Variants in BICD1 observed in about 807,000 individuals in gnomAD.
BICD1 encodes the protein protein bicaudal D homolog 1.
Under a neutral mutation model 92.5 loss-of-function variants are expected in BICD1, and 35 were observed. That is an observed-to-expected ratio of 0.38 (90% CI 0.29 to 0.50). BICD1 has a LOEUF of 0.50. Ranked by LOEUF, BICD1 falls within the 20% of genes least tolerant of loss-of-function variation. The probability of loss-of-function intolerance (pLI) is 0.93; values close to 1 mark genes in which losing one functional copy is unlikely to be tolerated. For missense variants in BICD1, 950 were observed against 1,189.8 expected, an observed-to-expected ratio of 0.80 and a Z score of 2.97; for synonymous variants, 429 against 465.1, an observed-to-expected ratio of 0.92 and a Z score of 1.00.
intron 1 of BICD1, among the ~76,000 whole-genome samples, chr12:32,121,496 G>T (rs1298763942): frequency 6.6e-6 from 1 of 151,822 alleles, no homozygotes; most frequent in Non-Finnish European, 1.5e-5. Flanking sequence ...GGGAGGCTGA[G>T]GCAGGAGAAA....
chr12:32,109,351 G>T (rs949265244), intron 1 of BICD1: 1 of 152,128 alleles, frequency 6.6e-6, no homozygotes, highest in South Asian at 2.1e-4. Flanking sequence ...ATATTGATTA[G>T]TGTTAGATAA....
At chr12:32,198,546 C>CTTTTTTT (rs113075749) in intron 1 of BICD1, among the ~76,000 whole-genome samples, 4 of 134,504 alleles carry the variant, frequency 3.0e-5, no homozygotes, top group Admixed American at 7.6e-5. Context: ...TATCCCCACT[C>CTTTTTTT]TTTTTTTTTT....
At chr12:32,262,725 A>T (rs934286706) in intron 2 of BICD1, among the ~76,000 whole-genome samples, 3 of 152,230 alleles carry the variant, frequency 2.0e-5, no homozygotes, top group Admixed American at 6.5e-5. Context: ...TTCTGCTGCC[A>T]TAAGACAAGG....
intron 8 of BICD1, among the ~76,000 whole-genome samples, chr12:32,355,528 G>A (rs920385907): frequency 2.0e-5 from 3 of 152,180 alleles, no homozygotes; most frequent in Non-Finnish European, 4.4e-5. Flanking sequence ...GAAGCTGGGC[G>A]CAGTGGCTCA....
chr12:32,246,448 G>C (rs1292008589), intron 2 of BICD1, among the ~76,000 whole-genome samples: 1 of 152,032 alleles, frequency 6.6e-6, no homozygotes, highest in Non-Finnish European at 1.5e-5. Context: ...GACCAGCCTG[G>C]ACAACATAGT....
At chr12:32,300,559 G>T (rs1480634116) in intron 3 of BICD1, among the ~76,000 whole-genome samples, 1 of 151,448 alleles carries the variant, frequency 6.6e-6, no homozygotes, top group Non-Finnish European at 1.5e-5. Flanking sequence ...TACTAGGAAA[G>T]GTTGGCAAGA....
chr12:32,220,162 C>A (rs1186317072), intron 2 of BICD1, among the ~76,000 whole-genome samples: 6 of 152,140 alleles, frequency 3.9e-5, no homozygotes, highest in Admixed American at 6.5e-5. Context: ...CTAGCCATTA[C>A]CATTCAGGAC....
At chr12:32,236,098 A>G (rs1019570139) in intron 2 of BICD1, among the ~76,000 whole-genome samples, 1 of 151,748 alleles carries the variant, frequency 6.6e-6, no homozygotes, top group African/African-American at 2.4e-5. Flanking sequence ...CTGCATCCAT[A>G]TAACACTTAA....
intron 4 of BICD1, among the ~76,000 whole-genome samples, chr12:32,325,263 G>C (rs1024277157): frequency 6.6e-6 from 1 of 152,068 alleles, no homozygotes; most frequent in Admixed American, 6.6e-5. Flanking sequence ...GACAAGACAA[G>C]GCAACTACAT....
chr12:32,258,550 A>G (rs2136121737), intron 2 of BICD1, among the ~76,000 whole-genome samples: 1 of 152,192 alleles, frequency 6.6e-6, no homozygotes, highest in Non-Finnish European at 1.5e-5. Flanking sequence ...ACCAAGACGC[A>G]GAGACCAGTA....
chr12:32,144,962 G>T (rs1386997112), intron 1 of BICD1, among the ~76,000 whole-genome samples: 1 of 152,170 alleles, frequency 6.6e-6, no homozygotes, highest in East Asian at 1.9e-4. Flanking sequence ...GGCAAGTGCT[G>T]TTGTCTCTTA....
intron 2 of BICD1, among the ~76,000 whole-genome samples, chr12:32,232,807 G>A (rs917719650): frequency 4.6e-5 from 7 of 152,038 alleles, no homozygotes; most frequent in Non-Finnish European, 8.8e-5. Context: ...TTCTACATAT[G>A]GCTAGCCAGT....
At chr12:32,366,645 T>TCAAATAAA (rs1939534966) in intron 8 of BICD1, among the ~76,000 whole-genome samples, 1 of 151,230 alleles carries the variant, frequency 6.6e-6, no homozygotes, top group South Asian at 2.1e-4. Flanking sequence ...AAACTCTGTC[T>TCAAATAAA]CAAATAAACA....
intron 8 of BICD1, chr12:32,339,254 C>A: frequency 8.8e-7 from 1 of 1,138,578 alleles, no homozygotes; most frequent in Non-Finnish European, 1.1e-6. Context: ...ACAAGCACAA[C>A]GCACACACAC....
At position 32,377,826 on chromosome 12, in the gene BICD1, C is replaced by CT. The variant is rs1940036995; in HGVS notation, c.*200dup. On this transcript the variant is annotated 3_prime_UTR_variant, in exon 10 of 10. Transcript: ENST00000652176. ...TGTGATAAAACATTTTGTGGTTTCT[C>CT]TGAGTCACAGATAAACTTCTGCCAT... 2 of 483,766 alleles carry CT rather than the reference C, an allele frequency of 4.1e-6. No homozygotes were observed. Among genetic ancestry groups the CT allele is most frequent in the East Asian group, 6.4e-5 (2 of 31,096 alleles). The allele number at this position is 483,766 out of a possible 1,614,324, so 30.0% of individuals were successfully genotyped here.
At chr12:32,295,730 T>C (rs1947850459) in intron 3 of BICD1, among the ~76,000 whole-genome samples, 1 of 151,164 alleles carries the variant, frequency 6.6e-6, no homozygotes, top group Non-Finnish European at 1.5e-5. Context: ...CTCAGCTCAC[T>C]GCAACCTCCA....
At chr12:32,289,879 G>A (rs1293472049) in intron 2 of BICD1, among the ~76,000 whole-genome samples, 1 of 152,208 alleles carries the variant, frequency 6.6e-6, no homozygotes, top group African/African-American at 2.4e-5. Context: ...CCTTTGGTAA[G>A]GTTCTTTTAA....
chr12:32,193,414 C>T (rs1181682927), intron 1 of BICD1, among the ~76,000 whole-genome samples: 3 of 152,186 alleles, frequency 2.0e-5, no homozygotes, highest in Admixed American at 6.5e-5. Context: ...ATAGTGTCAA[C>T]ATAACTTTCA....
intron 1 of BICD1, among the ~76,000 whole-genome samples, chr12:32,124,255 T>C (rs1942252661): frequency 6.6e-6 from 1 of 152,214 alleles, no homozygotes; most frequent in Non-Finnish European, 1.5e-5. Context: ...ATACAAAAAT[T>C]AGGAAGACGT....
Sources: gnomAD v4.1 joint callset for allele counts (sites outside exome capture counted in the v4.1 genomes callset) on GRCh38, gnomAD v4.1.1 for gene constraint, MANE v1.5 for transcripts, NCBI Gene and HGNC (gene_info 2026-07-23, HGNC 2026-07-21) for gene names.